The following HECTD3 variants were observed in gnomAD, a reference collection of about 807,000 sequenced individuals.
The protein encoded by HECTD3 is E3 ubiquitin-protein ligase HECTD3.
HECTD3 carries 72 observed loss-of-function variants against 109.3 expected under a neutral mutation model. The observed-to-expected ratio is 0.66, with a 90% confidence interval of 0.54 to 0.80. The LOEUF is 0.80. HECTD3 is among the 30% of genes least tolerant of loss of function. The pLI, the probability that HECTD3 is intolerant of heterozygous loss-of-function variation, is 0.00. For synonymous variants in HECTD3, 481 were observed against 471.8 expected (o/e 1.02, Z -0.25); for missense variants, 1,041 against 1,165.2 (o/e 0.89, Z 1.55).
In HECTD3 at chr1:45,007,462, C is replaced by T. The variant is rs1557728710; in HGVS notation, c.1454G>A (p.Arg485His). The change falls in exon 10 of 21, where the codon CGT becomes CAT. Residue 485 changes from arginine (R) to histidine (H), a missense_variant. Coordinates refer to ENST00000372172, the MANE Select transcript of HECTD3 (RefSeq NM_024602.6). The stretch of plus-strand genomic sequence containing the variant: ...GGCAGGGTCTCGAGAGGGGCAGGCA[C>T]GGTGTTCCATGGCAAGACGGCGGTT... ...YINRRLAMEH[R>H]ACPSRDPACK... 1.9e-6 allele frequency: 3 copies of T among 1,613,970 alleles called. No homozygotes were observed. Among genetic ancestry groups the T allele is most frequent in the South Asian group, 2.2e-5 (2 of 91,082 alleles).
chr1:45,011,048 G>A lies in HECTD3; in HGVS notation c.210C>T (p.Gly70=). 6.9e-7 allele frequency: 1 copy of A among 1,439,626 alleles called. No homozygotes were observed. The highest frequency in any genetic ancestry group is 1.5e-5 in the African/African-American group (1 of 66,922). The allele number at this position is 1,439,626 out of a possible 1,614,324, so 89.2% of individuals were successfully genotyped here. Residue 70 remains glycine, a synonymous_variant, in exon 1 of 21, where the codon GGC becomes GGT. Coordinates refer to ENST00000372172, the MANE Select transcript of HECTD3 (RefSeq NM_024602.6). ...CTGCGGCGCCCACACGCAGCCCCAG[G>A]CCCTCTGCCTCCCACACCGGCAGAA... ...RVLLPVWEAE[G]LGLRVGAAGP...
At position 45,009,004 on chromosome 1, in the gene HECTD3, C is replaced by T. The variant is rs989931788; in HGVS notation, c.1072+140G>A. 3 of 765,130 alleles carry T rather than the reference C, an allele frequency of 3.9e-6. No homozygotes were observed. The African/African-American group carries it at 5.2e-5, about 13-fold the overall frequency. The allele number at this position is 765,130 out of a possible 1,614,324, so 47.4% of individuals were successfully genotyped here. The stretch of plus-strand genomic sequence containing the variant: ...GGCATGTCCCAGCTGGCTCAGGCCC[C>T]AAAGCTCCAAATCCTGGAGTTAGTT... On this transcript the variant is annotated intron_variant, in intron 7 of 20. Transcript: ENST00000372172.
rs375749063 is a variant in HECTD3 at position 45,010,073 on chromosome 1, G to C, written c.672C>G (p.His224Gln). 1.3e-4 allele frequency: 202 copies of C among 1,581,500 alleles called. No individual in the cohort carries two copies. Among genetic ancestry groups the C allele is most frequent in the South Asian group, 3.5e-4 (30 of 85,832 alleles). ...CCTTGCCCAGGTGGTCATACAAGAA[G>C]TGGATCAGGTCCTCGTCGCACTCGT... ...WTYECDEDLI[H>Q]FLYDHLGKED... The change falls in exon 4 of 21, where the codon CAC becomes CAG. Residue 224 changes from histidine (H) to glutamine (Q), a missense_variant. Transcript: ENST00000372172.
At chr1:45,008,092 G>A (rs746888924) in intron 9 of HECTD3, 148 bp downstream of exon 9, 101 of 647,128 alleles carry the variant, frequency 1.6e-4, no homozygotes, top group Non-Finnish European at 2.5e-4. Flanking sequence ...CACTAAATTT[G>A]GACCATTTGT....
At position 45,009,498 on chromosome 1, in the gene HECTD3, G is replaced by C; in HGVS notation, c.876-16C>G. 1 of 1,608,592 alleles carries C rather than the reference G, an allele frequency of 6.2e-7. No individual in the cohort carries two copies. Among genetic ancestry groups the C allele is most frequent in the Non-Finnish European group, 8.5e-7 (1 of 1,175,072 alleles). The stretch of plus-strand genomic sequence containing the variant: ...TAGCAGCTTCCTGAAGGGTCAGAGT[G>C]TGAATATGAGTCTTTGTGAACCCAC... On this transcript the variant is annotated splice_polypyrimidine_tract_variant and intron_variant, in intron 5 of 20. Transcript: ENST00000372172.
In HECTD3 at chr1:45,003,420, A is replaced by G. The variant is rs929232434; in HGVS notation, c.*72T>C. On this transcript the variant is annotated 3_prime_UTR_variant, in exon 21 of 21. Transcript: ENST00000372172. This position sits in a 1 kb window ranked among gnomAD's most constrained non-coding sequence, Gnocchi z 4.7. The stretch of plus-strand genomic sequence containing the variant: ...CACGTCAGCCAAACCAGGGCAGGGA[A>G]GGTGTCTTCGCCCTGGGCAAGGCCA... The G allele has an allele frequency of 2.3e-6, 3 of 1,330,334 alleles. No homozygotes were observed. The African/African-American group carries it at 4.4e-5, about 19-fold the overall frequency. 82.4% of individuals were successfully genotyped at this position (1,330,334 alleles called of 1,614,324 possible).
rs199608229 is a variant in HECTD3, at chr1:45,003,716, G to T, written c.2454C>A (p.Pro818=). The part of the protein sequence containing the change: ...KLGYETTDAL[P]ESSTCSSTLF... Reference sequence around the variant, plus strand: ...GGGTGCTGGAGCAAGTGGAAGACTCGGGCAGCGCGTCTGTGGTCTCGTAGC... The same window carrying T: ...GGGTGCTGGAGCAAGTGGAAGACTCTGGCAGCGCGTCTGTGGTCTCGTAGC... The change falls in exon 20 of 21, where the codon CCC becomes CCA. Residue 818 remains proline, a synonymous_variant. Coordinates refer to ENST00000372172, the MANE Select transcript of HECTD3 (RefSeq NM_024602.6). The surrounding 1 kb of genome is among the most constrained non-coding windows in gnomAD (Gnocchi z 4.7). 2.7e-5 allele frequency: 43 copies of T among 1,613,928 alleles called. 1 individual carries two copies. The Admixed American group carries it at 6.5e-4, about 24-fold the overall frequency.
chr1:45,006,280 A>C lies in HECTD3; in HGVS notation c.1726-164T>G. ...TGTCTGCCCAGAGGTTGCCCTGAGCAACTCAGTCCCTCCTCTGCCCTATTT... is the reference window on the plus strand; with the variant it reads ...TGTCTGCCCAGAGGTTGCCCTGAGCCACTCAGTCCCTCCTCTGCCCTATTT... On this transcript the variant is annotated intron_variant, in intron 13 of 20. Transcript: ENST00000372172. The surrounding 1 kb of genome is among the most constrained non-coding windows in gnomAD (Gnocchi z 4.7). The C allele has an allele frequency of 1.3e-6, 1 of 787,264 alleles. No individual in the cohort carries two copies. Among genetic ancestry groups the C allele is most frequent in the Non-Finnish European group, 2.0e-6 (1 of 497,142 alleles). The allele number at this position is 787,264 out of a possible 1,614,324, so 48.8% of individuals were successfully genotyped here.
chr1:45,010,742 G>T lies in HECTD3; in HGVS notation c.370-36C>A, dbSNP rs201979327. 5 of 1,523,736 alleles carry T rather than the reference G, an allele frequency of 3.3e-6. No homozygotes were observed. In the South Asian group the frequency reaches 6.3e-5, roughly 19 times the overall value. The allele number at this position is 1,523,736 out of a possible 1,614,324, so 94.4% of individuals were successfully genotyped here. ...GCGTAGGATGGGGACAGCCGTCAGGGAACTGCCCAGCCGCCTGTCGTGCCC... is the reference window on the plus strand; with the variant it reads ...GCGTAGGATGGGGACAGCCGTCAGGTAACTGCCCAGCCGCCTGTCGTGCCC... On this transcript the variant is annotated intron_variant, in intron 1 of 20. Coordinates refer to ENST00000372172, the MANE Select transcript of HECTD3 (RefSeq NM_024602.6).
chr1:45,010,559 G>A lies in HECTD3; in HGVS notation c.517C>T (p.Arg173Trp), dbSNP rs764785541. ...CAAGTGCAGTACCTGAGCACCGGCC[G>A]ATAATCCACGCCAAAGAGCTGCTGC... is the stretch of plus-strand genomic sequence containing the variant. ...RQQQLFGVDYRPVLRWEQVVD... is the reference protein window; with the variant it reads ...RQQQLFGVDYWPVLRWEQVVD... Residue 173 changes from arginine (R) to tryptophan (W), a missense_variant, in exon 2 of 21, where the codon CGG (arginine) becomes TGG (tryptophan). Transcript: ENST00000372172. 1.9e-6 allele frequency: 3 copies of A among 1,613,654 alleles called. No individual in the cohort carries two copies. Among genetic ancestry groups the A allele is most frequent in the South Asian group, 1.1e-5 (1 of 91,068 alleles).
rs1355065336 is a variant in HECTD3, at chr1:45,002,591, T to C, written c.*901A>G. The C allele has an allele frequency of 2.0e-5, 3 of 152,266 alleles. No individual in the cohort carries two copies. Among genetic ancestry groups the C allele is most frequent in the Non-Finnish European group, 4.4e-5 (3 of 68,108 alleles). 9.4% of individuals were successfully genotyped at this position (152,266 alleles called of 1,614,324 possible). ...CAACTTTCCGGTATGCAAGAACTTC[T>C]TTTCATGGAGTGTCACGGAGGCCCT... On this transcript the variant is annotated 3_prime_UTR_variant, in exon 21 of 21. Coordinates refer to ENST00000372172, the MANE Select transcript of HECTD3 (RefSeq NM_024602.6).
In HECTD3 at chr1:45,006,064, C is replaced by T. The variant is rs760361763; in HGVS notation, c.1778G>A (p.Arg593Gln). The T allele has an allele frequency of 1.1e-5, 17 of 1,614,156 alleles. No homozygotes were observed. The highest frequency in any genetic ancestry group is 6.7e-5 in the East Asian group (3 of 44,880). The change falls in exon 14 of 21, where the codon CGA becomes CAA. Residue 593 changes from arginine (R) to glutamine (Q), a missense_variant. Transcript: ENST00000372172. This position sits in a 1 kb window ranked among gnomAD's most constrained non-coding sequence, Gnocchi z 4.7. ...GATCCATTCATACTTGGCAAAGTCT[C>T]GGCAGGAGGGGTTGGGTACATACAT... ...RDMYVPNPSC[R>Q]DFAKYEWIGQ...
chr1:45,009,758 C>T, intron 4 of HECTD3, 75 bp from the exon 5 acceptor site: 2 of 1,257,034 alleles, frequency 1.6e-6, no homozygotes, highest in Non-Finnish European at 2.3e-6. Context: ...GGGCCAGGAG[C>T]ACCAGAGAGA....
At chr1:45,010,384 T>TC in intron 2 of HECTD3, 91 bp from the exon 3 acceptor site, 1 of 1,456,696 alleles carries the variant, frequency 6.9e-7, no homozygotes. Flanking sequence ...CAGGGCTCTA[T>TC]CTCCCAGTCT....
intron 9 of HECTD3, 88 bp downstream of exon 9, chr1:45,008,152 G>T: frequency 1.9e-6 from 2 of 1,028,648 alleles, no homozygotes; most frequent in Non-Finnish European, 3.0e-6. Context: ...TTGCCCTAGA[G>T]TAGATTTTAG....
At chr1:45,008,133 G>T in intron 9 of HECTD3, 107 bp downstream of exon 9, 2 of 832,320 alleles carry the variant, frequency 2.4e-6, no homozygotes, top group Non-Finnish European at 3.9e-6. Flanking sequence ...CCCAGACCCA[G>T]CAAAGGTCTT....
At position 45,005,867 on chromosome 1, in the gene HECTD3, C is replaced by G; in HGVS notation, c.1862G>C (p.Gly621Ala). 1 of 1,607,510 alleles carries G rather than the reference C, an allele frequency of 6.2e-7. No individual in the cohort carries two copies. The highest frequency in any genetic ancestry group is 8.5e-7 in the Non-Finnish European group (1 of 1,176,628). Residue 621 changes from glycine (G) to alanine (A), a missense_variant, in exon 15 of 21, where the codon GGT becomes GCT. Physicochemically the swap from Gly to Ala is moderately conservative, Grantham distance 60 (BLOSUM62 0). Coordinates refer to ENST00000372172, the MANE Select transcript of HECTD3 (RefSeq NM_024602.6). ...ACCAGAAAGCTGCTTCCACACAAAA[C>G]CAGGCAGGGCCAGGACCTGTGTGAC... ...GKEFLVLALPGFVWKQLSGEE... is the reference protein window; with the variant it reads ...GKEFLVLALPAFVWKQLSGEE...
Position 45,011,225 on chromosome 1 carries a change from C to G in HECTD3, c.33G>C (p.Glu11Asp). Residue 11 changes from glutamate to aspartate, a missense_variant, in exon 1 of 21, where the codon GAG (glutamate) becomes GAC (aspartate). By Grantham distance (45) the Glu-to-Asp change is conservative (BLOSUM62 2). Around this residue, in one of 2 missense-constraint regions of HECTD3, gnomAD observed 472 missense variants for 449.9 expected, o/e 1.05. Transcript: ENST00000372172. ...CGCGGCCCAGCAGCTGCCGGGGGGA[C>G]TCCAGCACCGCGCCCGGGCCAGGAC... MAGPGPGAVL[E>D]SPRQLLGRVR... 1 of 1,397,324 alleles carries G rather than the reference C, an allele frequency of 7.2e-7. No individual in the cohort carries two copies. The highest frequency in any genetic ancestry group is 1.6e-5 in the South Asian group (1 of 63,544). The allele number at this position is 1,397,324 out of a possible 1,614,324, so 86.6% of individuals were successfully genotyped here. A position where few individuals can be genotyped will look rare whatever the true frequency, so the allele number is the denominator to read the frequency against.
At position 45,009,391 on chromosome 1, in the gene HECTD3, G is replaced by T; in HGVS notation, c.967C>A (p.Leu323Met). ...CACTCGTCAATGCTCACGTCACTCA[G>T]CTTCTTCAGGTTGTCCCCTTCACCC... is the stretch of plus-strand genomic sequence containing the variant. ...YGGEGDNLKKLSDVSIDETLI... is the reference protein window; with the variant it reads ...YGGEGDNLKKMSDVSIDETLI... The change falls in exon 6 of 21, where the codon CTG (leucine) becomes ATG (methionine). Residue 323 changes from leucine (L) to methionine (M), a missense_variant. This residue lies in a region of HECTD3 where 472 missense variants were observed against 449.9 expected (regional missense o/e 1.05). Transcript: ENST00000372172. 1 of 1,613,620 alleles carries T rather than the reference G, an allele frequency of 6.2e-7. No homozygotes were observed. Among genetic ancestry groups the T allele is most frequent in the South Asian group, 1.1e-5 (1 of 91,054 alleles).
Sources: allele counts gnomAD v4.1 joint callset, GRCh38; gene constraint gnomAD v4.1.1; regional missense constraint gnomAD v4.1.1; non-coding constraint Gnocchi (gnomAD v3.1); transcripts MANE v1.5; gene names NCBI Gene and HGNC (gene_info 2026-07-23, HGNC 2026-07-21).